The following QTGAL variants were observed in gnomAD, a reference collection of about 807,000 sequenced individuals.
QTGAL encodes the protein BGnT-like protein 1.
At chr17:83,041,510 T>C in the QTGAL span, among the ~76,000 whole-genome samples, 55,123 of 152,110 alleles carry the variant, frequency 0.36, 9,999 homozygotes, top group Non-Finnish European at 0.38. Flanking sequence ...AAATCACTTG[T>C]CACTTACAAG....
the QTGAL span, among the ~76,000 whole-genome samples, chr17:83,015,680 G>A: frequency 2.9e-3 from 440 of 152,368 alleles, 1 homozygote; most frequent in African/African-American, 1.0e-2. This position sits in a 1 kb window ranked among gnomAD's most constrained non-coding sequence, Gnocchi z 4.4. Flanking sequence ...GGAGTGAGCG[G>A]CGGCCGGGCG....
At chr17:83,048,844 C>A in the QTGAL span, 1 of 1,443,138 alleles carries the variant, frequency 6.9e-7, no homozygotes, top group South Asian at 1.1e-5. Flanking sequence ...CTTTCCATGG[C>A]TCTAATTTAC....
At chr17:83,019,135 G>A in the QTGAL span, among the ~76,000 whole-genome samples, 6 of 152,260 alleles carry the variant, frequency 3.9e-5, no homozygotes, top group South Asian at 4.2e-4. Flanking sequence ...CTGAGTCCAC[G>A]TCCAGAAAGG....
the QTGAL span, among the ~76,000 whole-genome samples, chr17:82,989,796 T>C: frequency 6.6e-6 from 1 of 152,038 alleles, no homozygotes; most frequent in Non-Finnish European, 1.5e-5. Context: ...ATGCTGACAA[T>C]TTAAAATAGA....
chr17:82,987,530 T>C, the QTGAL span, among the ~76,000 whole-genome samples: 3 of 152,234 alleles, frequency 2.0e-5, no homozygotes, highest in Non-Finnish European at 4.4e-5. Context: ...AAATATTCTG[T>C]TGGACAACCT....
At chr17:83,002,618 A>G in the QTGAL span, among the ~76,000 whole-genome samples, 1 of 152,172 alleles carries the variant, frequency 6.6e-6, no homozygotes, top group Admixed American at 6.5e-5. Context: ...GGCAGGGACA[A>G]GCCACCCATG....
the QTGAL span, among the ~76,000 whole-genome samples, chr17:82,972,571 G>T: frequency 9.4e-6 from 1 of 106,600 alleles, no homozygotes; most frequent in Non-Finnish European, 1.8e-5. Context: ...ACCTGGTACT[G>T]ACCACACCAC....
At chr17:83,046,386 C>T in the QTGAL span, among the ~76,000 whole-genome samples, 1 of 152,194 alleles carries the variant, frequency 6.6e-6, no homozygotes, top group Non-Finnish European at 1.5e-5. Flanking sequence ...GTCCACCCGT[C>T]TCGGCCTCCC....
the QTGAL span, among the ~76,000 whole-genome samples, chr17:83,008,585 C>A: frequency 1.7e-4 from 26 of 152,152 alleles, no homozygotes; most frequent in Admixed American, 3.9e-4. Context: ...GTGAGGTCTG[C>A]GCTCCCTCCC....
At chr17:83,015,944 T>G in the QTGAL span, among the ~76,000 whole-genome samples, 1 of 152,100 alleles carries the variant, frequency 6.6e-6, no homozygotes. The surrounding 1 kb of genome is among the most constrained non-coding windows in gnomAD (Gnocchi z 4.4). Flanking sequence ...ACCACGGATA[T>G]AAACCATAAA....
chr17:82,999,673 G>A, the QTGAL span, among the ~76,000 whole-genome samples: 91 of 152,254 alleles, frequency 6.0e-4, no homozygotes, highest in Non-Finnish European at 1.2e-3. Context: ...TACATTTATG[G>A]TACTGTACTG....
At chr17:83,027,656 TG>T in the QTGAL span, among the ~76,000 whole-genome samples, 1 of 123,102 alleles carries the variant, frequency 8.1e-6, no homozygotes, top group Non-Finnish European at 1.6e-5. Flanking sequence ...GAGTCGAGAT[TG>T]GGCCACCACA....
chr17:82,964,104 T>C, the QTGAL span, among the ~76,000 whole-genome samples: 1 of 147,368 alleles, frequency 6.8e-6, no homozygotes, highest in African/African-American at 2.5e-5. Context: ...CTACCAAAAA[T>C]AGGAAAAAAG....
chr17:82,972,871 C>G, the QTGAL span, among the ~76,000 whole-genome samples: 1 of 145,146 alleles, frequency 6.9e-6, no homozygotes, highest in African/African-American at 2.8e-5. Flanking sequence ...GCCAGAAGGA[C>G]CCGGTACTGA....
the QTGAL span, among the ~76,000 whole-genome samples, chr17:82,988,348 A>T: frequency 3.3e-5 from 5 of 152,226 alleles, no homozygotes; most frequent in African/African-American, 9.7e-5. Flanking sequence ...CCTTATACAA[A>T]AATTAACTCA....
chr17:83,005,074 G>A, the QTGAL span: 23 of 1,515,932 alleles, frequency 1.5e-5, no homozygotes, highest in African/African-American at 2.8e-5. This position sits in a 1 kb window ranked among gnomAD's most constrained non-coding sequence, Gnocchi z 5.6. Flanking sequence ...GCCCAGAGGC[G>A]ACCTGTGCAC....
the QTGAL span, among the ~76,000 whole-genome samples, chr17:82,992,949 A>G: frequency 6.6e-6 from 1 of 152,198 alleles, no homozygotes; most frequent in Non-Finnish European, 1.5e-5. Flanking sequence ...GGTAACCTCA[A>G]ATAAAAAATA....
At chr17:83,030,657 G>A in the QTGAL span, 1 of 152,330 alleles carries the variant, frequency 6.6e-6, no homozygotes, top group Non-Finnish European at 1.5e-5. Context: ...ATGCTGTAGA[G>A]CCGGCCGAAT....
At chr17:82,986,375 G>A in the QTGAL span, among the ~76,000 whole-genome samples, 1 of 152,218 alleles carries the variant, frequency 6.6e-6, no homozygotes, top group Non-Finnish European at 1.5e-5. Context: ...TGCCAGGTGT[G>A]TTGGGAGAGG....
Sources: gnomAD v4.1 joint callset for allele counts (sites outside exome capture counted in the v4.1 genomes callset) on GRCh38, gnomAD v4.1.1 for gene constraint, Gnocchi (gnomAD v3.1) non-coding constraint, MANE v1.5 for transcripts, NCBI Gene and HGNC (gene_info 2026-07-23, HGNC 2026-07-21) for gene names.